The following ASPRV1 variants were observed in gnomAD, a reference collection of about 807,000 sequenced individuals.
The protein encoded by ASPRV1 is aspartic peptidase retroviral like 1.
ASPRV1 carries 7 observed loss-of-function variants against 11.0 expected under a neutral mutation model. That is an observed-to-expected ratio of 0.64 (90% confidence interval 0.36 to 1.20). ASPRV1 has a LOEUF of 1.20. Among genes scored for constraint, ASPRV1 ranks in the 50% most tolerant of loss-of-function variants. The pLI, the probability that ASPRV1 is intolerant of heterozygous loss-of-function variation, is 0.02. For missense variants in ASPRV1, 299 were observed against 320.0 expected (o/e 0.93, Z 0.50); for synonymous variants, 136 against 138.4 (o/e 0.98, Z 0.12).
the ASPRV1 span, among the ~76,000 whole-genome samples, chr2:70,013,205 C>A: frequency 6.6e-6 from 1 of 152,070 alleles, no homozygotes; most frequent in Non-Finnish European, 1.5e-5. Flanking sequence ...AATAAAAGAC[C>A]CATTCAAAGT....
At chr2:70,053,680 A>T in the ASPRV1 span, 1 of 152,168 alleles carries the variant, frequency 6.6e-6, no homozygotes, top group African/African-American at 2.4e-5. Context: ...AGAAGTCTAC[A>T]AACTATCAAG....
At chr2:70,063,060 C>T in the ASPRV1 span, among the ~76,000 whole-genome samples, 4,109 of 152,252 alleles carry the variant, frequency 0.027, 92 homozygotes, top group Non-Finnish European at 0.042. Flanking sequence ...AGTCTGTGCA[C>T]ATAACCACTC....
the ASPRV1 span, among the ~76,000 whole-genome samples, chr2:70,074,051 G>A: frequency 5.6e-5 from 8 of 141,826 alleles, no homozygotes; most frequent in South Asian, 5.0e-4. Flanking sequence ...GGAGAATGGC[G>A]TGAACCCAGG....
chr2:69,991,111 G>A, the ASPRV1 span, among the ~76,000 whole-genome samples: 11 of 152,058 alleles, frequency 7.2e-5, no homozygotes, highest in South Asian at 2.1e-4. Flanking sequence ...CCCCTGCATC[G>A]TCACCACTGC....
the ASPRV1 span, among the ~76,000 whole-genome samples, chr2:69,984,254 G>C: frequency 1.3e-5 from 2 of 152,064 alleles, no homozygotes; most frequent in Non-Finnish European, 2.9e-5. Flanking sequence ...GGCCAGGCTG[G>C]TCTCAAATTC....
chr2:69,969,295 G>A, the ASPRV1 span, among the ~76,000 whole-genome samples: 1 of 152,152 alleles, frequency 6.6e-6, no homozygotes, highest in Non-Finnish European at 1.5e-5. Context: ...CTGCCTCATG[G>A]TGTTACCTCC....
At chr2:70,001,858 G>A in the ASPRV1 span, among the ~76,000 whole-genome samples, 2 of 151,856 alleles carry the variant, frequency 1.3e-5, no homozygotes, top group African/African-American at 4.8e-5. Context: ...CAATAAGAAG[G>A]GATTCGTTAA....
the ASPRV1 span, among the ~76,000 whole-genome samples, chr2:69,979,857 T>C: frequency 6.6e-6 from 1 of 152,322 alleles, no homozygotes; most frequent in African/African-American, 2.4e-5. Context: ...CTCAGTCCCC[T>C]TCACCACATT....
upstream of ASPRV1, chr2:69,961,824 C>A (rs1558581730): frequency 3.0e-6 from 3 of 1,003,670 alleles, no homozygotes; most frequent in Admixed American, 7.0e-5. Context: ...CCAAGAAAGG[C>A]CAGCCTCTGT....
the ASPRV1 span, among the ~76,000 whole-genome samples, chr2:70,033,018 C>T: frequency 2.0e-5 from 3 of 152,098 alleles, no homozygotes; most frequent in African/African-American, 7.2e-5. Context: ...CAGCTACAAC[C>T]ACCCTGTCCT....
At chr2:70,081,758 ATT>A in the ASPRV1 span, among the ~76,000 whole-genome samples, 1 of 151,556 alleles carries the variant, frequency 6.6e-6, no homozygotes, top group African/African-American at 2.4e-5. Context: ...TAATGTTTTT[ATT>A]TTTTTGTAGA....
the ASPRV1 span, chr2:69,993,327 A>C: frequency 6.6e-6 from 1 of 152,378 alleles, no homozygotes; most frequent in Admixed American, 6.5e-5. Context: ...CATCCCCAGG[A>C]AGTGTCCAGC....
chr2:69,998,780 C>T, the ASPRV1 span, among the ~76,000 whole-genome samples: 1 of 151,814 alleles, frequency 6.6e-6, no homozygotes, highest in African/African-American at 2.4e-5. Flanking sequence ...TAAGAACAGG[C>T]TAGGAAAAGA....
chr2:69,977,634 G>C, the ASPRV1 span, among the ~76,000 whole-genome samples: 379 of 152,208 alleles, frequency 2.5e-3, 1 homozygote, highest in African/African-American at 8.7e-3. Context: ...ACTCTACCTG[G>C]CCCATTACCA....
chr2:69,997,517 C>T, the ASPRV1 span, among the ~76,000 whole-genome samples: 3 of 152,202 alleles, frequency 2.0e-5, no homozygotes, highest in Non-Finnish European at 2.9e-5. Flanking sequence ...CTCCTTCCTC[C>T]CTCCCCTGTG....
At chr2:70,020,304 G>A in the ASPRV1 span, among the ~76,000 whole-genome samples, 9 of 152,192 alleles carry the variant, frequency 5.9e-5, no homozygotes, top group South Asian at 2.1e-4. Context: ...TGTTTGTTGC[G>A]GTATTATCAC....
the ASPRV1 span, among the ~76,000 whole-genome samples, chr2:69,947,570 T>C: frequency 1.5e-3 from 227 of 152,250 alleles, no homozygotes; most frequent in Admixed American, 2.4e-3. Context: ...TTTCCTATTT[T>C]AGTATTTGTA....
At chr2:70,000,292 C>T in the ASPRV1 span, among the ~76,000 whole-genome samples, 8 of 140,936 alleles carry the variant, frequency 5.7e-5, no homozygotes, top group Non-Finnish European at 1.1e-4. Flanking sequence ...AGGCCAGCCT[C>T]GGCAACATAG....
chr2:69,977,063 G>A, the ASPRV1 span, among the ~76,000 whole-genome samples: 47 of 152,102 alleles, frequency 3.1e-4, no homozygotes, highest in African/African-American at 8.9e-4. Flanking sequence ...ATGGTGGCGC[G>A]CACCTGTAGT....
Sources: allele counts gnomAD v4.1 joint callset (sites outside exome capture counted in the v4.1 genomes callset), GRCh38; gene constraint gnomAD v4.1.1; transcripts MANE v1.5; gene names NCBI Gene and HGNC (gene_info 2026-07-23, HGNC 2026-07-21).